The following ZMYM2 variants were observed in gnomAD, a reference collection of about 807,000 sequenced individuals.
ZMYM2 encodes the protein zinc finger MYM-type protein 2.
A neutral mutation model predicts 162.8 loss-of-function variants in ZMYM2; 56 were observed. The ratio of observed to expected loss-of-function variants is 0.34; its 90% CI spans 0.28 to 0.43. ZMYM2 has a LOEUF of 0.43. Ranked by LOEUF, ZMYM2 falls within the 20% of genes least tolerant of loss-of-function variation. ZMYM2 has a pLI of 1.00. For missense variants in ZMYM2, 1,275 were observed against 1,621.8 expected (o/e 0.79, Z 3.67); for synonymous variants, 510 against 541.6 (o/e 0.94, Z 0.81).
chr13:19,963,889 T>C (rs1417948401), intron 2 of ZMYM2, among the ~76,000 whole-genome samples: 1 of 152,216 alleles, frequency 6.6e-6, no homozygotes, highest in Non-Finnish European at 1.5e-5. Flanking sequence ...TTGATTAGTA[T>C]GACTTTGGGA....
the ZMYM2 span, among the ~76,000 whole-genome samples, chr13:19,880,436 TTTC>T: frequency 6.6e-6 from 1 of 152,272 alleles, no homozygotes; most frequent in South Asian, 2.1e-4. Context: ...CTGAATTTTT[TTTC>T]TTTTTTTGAG....
intron 21 of ZMYM2, among the ~76,000 whole-genome samples, chr13:20,073,149 C>G (rs1452611915): frequency 1.3e-5 from 2 of 152,114 alleles, no homozygotes; most frequent in African/African-American, 4.8e-5. Flanking sequence ...CTCAAGTGAT[C>G]CGCCTGCCCC....
At position 20,067,222 on chromosome 13, in the gene ZMYM2, A is replaced by G; in HGVS notation, c.3302-17A>G. 1.3e-6 allele frequency: 2 copies of G among 1,516,858 alleles called. No homozygotes were observed. Among genetic ancestry groups the G allele is most frequent in the Non-Finnish European group, 1.8e-6 (2 of 1,126,948 alleles). The allele number at this position is 1,516,858 out of a possible 1,614,324, so 94.0% of individuals were successfully genotyped here. On this transcript the variant is annotated splice_polypyrimidine_tract_variant and intron_variant, in intron 20 of 24. Transcript: ENST00000610343. Reference sequence around the variant, plus strand: ...CGCTAAATAATAACAATTATTTTTTATTTTATGTATTTTTAGCTAAATCAG... The same window carrying G: ...CGCTAAATAATAACAATTATTTTTTGTTTTATGTATTTTTAGCTAAATCAG...
At chr13:19,884,971 T>C in the ZMYM2 span, among the ~76,000 whole-genome samples, 17,514 of 152,088 alleles carry the variant, frequency 0.12, 1,292 homozygotes, top group African/African-American at 0.21. Flanking sequence ...CTGATTGGTA[T>C]ATTTTACAGA....
chr13:19,909,664 C>T, the ZMYM2 span, among the ~76,000 whole-genome samples: 8 of 152,002 alleles, frequency 5.3e-5, no homozygotes, highest in South Asian at 4.2e-4. Flanking sequence ...AACTCCTGAC[C>T]TCAGGTGATC....
intron 14 of ZMYM2, among the ~76,000 whole-genome samples, chr13:20,058,269 C>T (rs918139237): frequency 1.3e-5 from 2 of 152,064 alleles, no homozygotes; most frequent in African/African-American, 4.8e-5. Flanking sequence ...GGTTTGCAAC[C>T]TTGATTTTGT....
At chr13:20,001,710 A>G (rs1950404866) in intron 3 of ZMYM2, among the ~76,000 whole-genome samples, 1 of 152,220 alleles carries the variant, frequency 6.6e-6, no homozygotes. Context: ...GATCATTGTT[A>G]TCTTATTTTA....
chr13:20,014,064 G>C (rs892071521), intron 6 of ZMYM2, among the ~76,000 whole-genome samples: 5 of 152,016 alleles, frequency 3.3e-5, no homozygotes, highest in Admixed American at 2.6e-4. Context: ...TCTCTTTTTT[G>C]GGACTTTTTG....
intron 6 of ZMYM2, among the ~76,000 whole-genome samples, chr13:20,018,940 C>T (rs1008496798): frequency 1.3e-5 from 2 of 151,856 alleles, no homozygotes; most frequent in Admixed American, 6.6e-5. Flanking sequence ...ACTAGCCAGG[C>T]GTAGTGGCAG....
intron 2 of ZMYM2, among the ~76,000 whole-genome samples, chr13:19,987,682 T>C (rs1396794899): frequency 1.3e-5 from 2 of 148,802 alleles, no homozygotes; most frequent in East Asian, 2.0e-4. Context: ...GGTTTTGTCA[T>C]GTTGGCCAGG....
chr13:20,014,424 T>C (rs1264818031), intron 6 of ZMYM2, among the ~76,000 whole-genome samples: 1 of 152,166 alleles, frequency 6.6e-6, no homozygotes, highest in African/African-American at 2.4e-5. Context: ...ACGTTTTCTA[T>C]GTCTTCTTGT....
intron 14 of ZMYM2, among the ~76,000 whole-genome samples, chr13:20,054,993 GT>G (rs1228664768): frequency 1.1e-5 from 1 of 87,470 alleles, no homozygotes; most frequent in African/African-American, 3.3e-5. Context: ...TCCACATGGG[GT>G]TGTTTTTTTT....
the ZMYM2 span, among the ~76,000 whole-genome samples, chr13:19,869,950 A>G: frequency 2.0e-5 from 3 of 152,202 alleles, no homozygotes; most frequent in African/African-American, 7.2e-5. Context: ...CGTGTCTGTT[A>G]TTGTAGGTCA....
At chr13:19,908,075 C>T in the ZMYM2 span, among the ~76,000 whole-genome samples, 53 of 152,196 alleles carry the variant, frequency 3.5e-4, 1 homozygote, top group East Asian at 6.8e-3. Flanking sequence ...ATCACTTGAG[C>T]TCAGGAGTTT....
chr13:19,913,779 C>G, the ZMYM2 span, among the ~76,000 whole-genome samples: 2 of 152,144 alleles, frequency 1.3e-5, no homozygotes, highest in Admixed American at 6.6e-5. Context: ...AACAAACAAA[C>G]AAAAACACCA....
At chr13:20,008,502 G>A (rs975028853) in intron 6 of ZMYM2, among the ~76,000 whole-genome samples, 4 of 152,196 alleles carry the variant, frequency 2.6e-5, no homozygotes, top group African/African-American at 9.7e-5. Context: ...TATGGGAAAC[G>A]ACATAGTATC....
intron 4 of ZMYM2, among the ~76,000 whole-genome samples, chr13:20,004,709 C>G (rs564892030): frequency 1.3e-5 from 2 of 152,260 alleles, no homozygotes; most frequent in South Asian, 2.1e-4. Context: ...CTCTTACTTT[C>G]TACTTATCCA....
At chr13:19,902,599 A>G in the ZMYM2 span, among the ~76,000 whole-genome samples, 4 of 152,172 alleles carry the variant, frequency 2.6e-5, no homozygotes, top group African/African-American at 9.7e-5. Flanking sequence ...CTGGGCAACA[A>G]GAGGAAAACT....
At chr13:20,029,587 G>C (rs1315711724) in intron 9 of ZMYM2, among the ~76,000 whole-genome samples, 2 of 152,066 alleles carry the variant, frequency 1.3e-5, no homozygotes, top group African/African-American at 4.8e-5. Flanking sequence ...TACAGTGTAT[G>C]CAGAAGTTTT....
Sources: allele counts gnomAD v4.1 joint callset (sites outside exome capture counted in the v4.1 genomes callset), GRCh38; gene constraint gnomAD v4.1.1; transcripts MANE v1.5; gene names NCBI Gene and HGNC (gene_info 2026-07-23, HGNC 2026-07-21).